The following AEBP2 variants were observed in gnomAD, a reference collection of about 807,000 sequenced individuals.
AEBP2 encodes the protein zinc finger protein AEBP2.
Under a neutral mutation model 50.8 loss-of-function variants are expected in AEBP2, and 10 were observed. The ratio of observed to expected loss-of-function variants is 0.20; its 90% CI spans 0.12 to 0.33. AEBP2 has a LOEUF of 0.33. Ranked by LOEUF, AEBP2 falls within the 10% of genes least tolerant of loss-of-function variation. The pLI, the probability that AEBP2 is intolerant of heterozygous loss-of-function variation, is 1.00. For missense variants in AEBP2, 570 were observed against 688.0 expected (o/e 0.83, Z 1.92); for synonymous variants, 296 against 261.3 (o/e 1.13, Z -1.28).
At position 19,439,814 on chromosome 12, in the gene AEBP2, G is replaced by A. The variant is rs779491346; in HGVS notation, c.115G>A (p.Glu39Lys). Residue 39 changes from glutamate (E) to lysine (K), a missense_variant, in exon 1 of 8, where the codon GAG (glutamate) becomes AAG (lysine). Glu to Lys is a moderately conservative substitution (Grantham distance 56). This residue lies in a region of AEBP2 where 386 missense variants were observed against 336.8 expected (regional missense o/e 1.15). Coordinates refer to ENST00000266508, the MANE Select transcript of AEBP2 (RefSeq NM_153207.5). ...GGGCCGGGCTGAGCCCCCCGAGGAG[G>A]AGGAGGAAGAGGAGGAGGAGGAAGA... Reference protein sequence around the residue: ...ARGRAEPPEEEEEEEEEEEEA... With the variant: ...ARGRAEPPEEKEEEEEEEEEA... 1 of 1,508,334 alleles carries A rather than the reference G, an allele frequency of 6.6e-7. No homozygotes were observed. The allele number at this position is 1,508,334 out of a possible 1,614,324, so 93.4% of individuals were successfully genotyped here. A position where few individuals can be genotyped will look rare whatever the true frequency, so the allele number is the denominator to read the frequency against.
chr12:19,416,215 T>C (rs769388836), intron 1 of AEBP2, among the ~76,000 whole-genome samples: 10 of 152,038 alleles, frequency 6.6e-5, no homozygotes, highest in Non-Finnish European at 1.3e-4. Flanking sequence ...AAAACCCAAC[T>C]TTGGTTACTT....
intron 1 of AEBP2, among the ~76,000 whole-genome samples, chr12:19,428,483 GGGA>G (rs1166395708): frequency 1.3e-5 from 2 of 152,220 alleles, no homozygotes; most frequent in Non-Finnish European, 2.9e-5. Context: ...TGTGGTGTTA[GGGA>G]GGAGGAAGGA....
At chr12:19,488,430 A>C (rs1186151075) in intron 3 of AEBP2, among the ~76,000 whole-genome samples, 1 of 151,348 alleles carries the variant, frequency 6.6e-6, no homozygotes, top group African/African-American at 2.4e-5. Flanking sequence ...TCCTATCCAT[A>C]TTAAATATTG....
chr12:19,427,080 A>C lies in AEBP2; in HGVS notation c.-17+22864A>C, dbSNP rs544329708. On this transcript the variant is annotated intron_variant, in intron 1 of 3. Transcript: ENST00000538425. ...TCCAACTGACTGAGGATTCGATAGA[A>C]TAAAAAGGCAGAGGAAGGTCGGGCA... Among the ~76,000 whole-genome samples, 3 of 152,240 alleles carry C rather than the reference A, an allele frequency of 2.0e-5. No individual in the cohort carries two copies. The East Asian group carries it at 5.8e-4, about 29-fold the overall frequency.
chr12:19,440,142 G>C lies in AEBP2; in HGVS notation c.443G>C (p.Ser148Thr), dbSNP rs934350168. The C allele has an allele frequency of 1.3e-6, 2 of 1,506,152 alleles. No homozygotes were observed. Among genetic ancestry groups the C allele is most frequent in the Non-Finnish European group, 1.8e-6 (2 of 1,134,086 alleles). The allele number at this position is 1,506,152 out of a possible 1,614,324, so 93.3% of individuals were successfully genotyped here. A position where few individuals can be genotyped will look rare whatever the true frequency, so the allele number is the denominator to read the frequency against. ...TTGAGCCCCGGCGCCGCCAGCAGCA[G>C]CAGCGGGGATGGGGACGGCAAGGAG... is the stretch of plus-strand genomic sequence containing the variant. ...RSLSPGAASSSSGDGDGKEGL... is the reference protein window; with the variant it reads ...RSLSPGAASSTSGDGDGKEGL... The change falls in exon 1 of 8, where the codon AGC (serine) becomes ACC (threonine). Residue 148 changes from serine (S) to threonine (T), a missense_variant. This residue lies in a region of AEBP2 where 386 missense variants were observed against 336.8 expected (regional missense o/e 1.15). Coordinates refer to ENST00000266508, the MANE Select transcript of AEBP2 (RefSeq NM_153207.5).
intron 3 of AEBP2, among the ~76,000 whole-genome samples, chr12:19,480,368 G>A (rs1948708618): frequency 6.6e-6 from 1 of 152,234 alleles, no homozygotes; most frequent in Non-Finnish European, 1.5e-5. Flanking sequence ...GCCTCCCAGA[G>A]TGCTGGGATT....
chr12:19,473,099 T>C (rs1173720802), intron 2 of AEBP2, 149 bp from the exon 3 acceptor site: 1 of 320,824 alleles, frequency 3.1e-6, no homozygotes, highest in Non-Finnish European at 5.6e-6. Flanking sequence ...GTTTTGACAG[T>C]TTATGTATAT....
intron 1 of AEBP2, among the ~76,000 whole-genome samples, chr12:19,454,714 T>C (rs1948234974): frequency 6.6e-6 from 1 of 151,768 alleles, no homozygotes; most frequent in African/African-American, 2.4e-5. Context: ...GCACATACAC[T>C]AAAAAAAATA....
intron 3 of AEBP2, among the ~76,000 whole-genome samples, chr12:19,475,546 A>G (rs915393422): frequency 6.6e-6 from 1 of 152,072 alleles, no homozygotes; most frequent in African/African-American, 2.4e-5. Context: ...TTTTCATATA[A>G]TGACTTTTCC....
chr12:19,470,717 G>C (rs780796661), intron 2 of AEBP2, among the ~76,000 whole-genome samples: 6 of 152,176 alleles, frequency 3.9e-5, no homozygotes, highest in Non-Finnish European at 5.9e-5. Flanking sequence ...AAAAAAATTA[G>C]AAGCCAGATA....
chr12:19,444,704 G>A (rs752145438), intron 1 of AEBP2, among the ~76,000 whole-genome samples: 2 of 152,232 alleles, frequency 1.3e-5, no homozygotes, highest in African/African-American at 2.4e-5. Context: ...GCTGTGAACT[G>A]TTTGGAGGAA....
At chr12:19,435,862 A>G (rs1164611459), upstream of AEBP2, among the ~76,000 whole-genome samples, 1 of 152,174 alleles carries the variant, frequency 6.6e-6, no homozygotes, top group Non-Finnish European at 1.5e-5. Context: ...TCTGGCACAT[A>G]CATTTGTTGG....
chr12:19,456,506 C>T (rs1948272011), intron 1 of AEBP2: 10 of 1,514,644 alleles, frequency 6.6e-6, no homozygotes, highest in Non-Finnish European at 9.1e-6. Flanking sequence ...CCATCTTTTC[C>T]TTCAGCTCAG....
intron 2 of AEBP2, among the ~76,000 whole-genome samples, chr12:19,468,126 T>TTGTGTGTGTGTGTGTGTGTGTGTGTGTG (rs10643072): frequency 1.3e-4 from 19 of 143,958 alleles, no homozygotes; most frequent in Non-Finnish European, 2.4e-4. Context: ...CTGCCTGACT[T>TTGTGTGTGTGTGTGTGTGTGTGTGTGTG]TGTGTGTGTG....
Position 19,439,666 on chromosome 12 carries a change from G to GGGAGGGGGA in AEBP2, c.-29_-28insGGGAGGAGG, listed in dbSNP as rs1947904766. The GGGAGGGGGA allele has an allele frequency of 2.7e-6, 4 of 1,475,304 alleles. No homozygotes were observed. The African/African-American group carries it at 4.5e-5, about 16-fold the overall frequency. The allele number at this position is 1,475,304 out of a possible 1,614,324, so 91.4% of individuals were successfully genotyped here. A position where few individuals can be genotyped will look rare whatever the true frequency, so the allele number is the denominator to read the frequency against. On this transcript the variant is annotated 5_prime_UTR_variant, in exon 1 of 8. Coordinates refer to ENST00000266508, the MANE Select transcript of AEBP2 (RefSeq NM_153207.5). ...GAGTCGAGAGAGGGAGGCGGCGGTG[G>GGGAGGGGGA]GGAGGAGGAGGAGGAGGAGGAGCAG...
At chr12:19,413,731 A>G (rs11044544) in intron 1 of AEBP2, among the ~76,000 whole-genome samples, 3,423 of 152,226 alleles carry the variant, frequency 0.022, 45 homozygotes, top group East Asian at 0.045. Context: ...ATATTGGGTA[A>G]CTGCCTGATG....
intron 2 of AEBP2, among the ~76,000 whole-genome samples, chr12:19,466,243 C>A (rs950419866): frequency 1.3e-5 from 2 of 152,018 alleles, no homozygotes; most frequent in African/African-American, 4.8e-5. Context: ...GTTGGTAGAT[C>A]GCTTGAGCTC....
intron 5 of AEBP2, among the ~76,000 whole-genome samples, chr12:19,505,800 G>C (rs1220542276): frequency 2.6e-5 from 4 of 152,104 alleles, no homozygotes; most frequent in African/African-American, 9.7e-5. Context: ...TTTTGAGTCA[G>C]AGTTTCACTG....
In AEBP2 at chr12:19,440,158, C is replaced by T. The variant is rs185496830; in HGVS notation, c.459C>T (p.Asp153=). 2.8e-4 allele frequency: 420 copies of T among 1,500,776 alleles called. 3 individuals carry two copies. The African/African-American group carries it at 5.2e-3, about 18-fold the overall frequency. The allele number at this position is 1,500,776 out of a possible 1,614,324, so 93.0% of individuals were successfully genotyped here. A position where few individuals can be genotyped will look rare whatever the true frequency, so the allele number is the denominator to read the frequency against. Residue 153 remains aspartate (D), a synonymous_variant, in exon 1 of 8, where the codon GAC becomes GAT. Transcript: ENST00000266508. ...CCAGCAGCAGCAGCGGGGATGGGGA[C>T]GGCAAGGAGGGCCTGGAGGAGCCCA... ...GAASSSSGDG[D]GKEGLEEPKG...
Sources: allele counts gnomAD v4.1 joint callset (sites outside exome capture counted in the v4.1 genomes callset), GRCh38; gene constraint gnomAD v4.1.1; regional missense constraint gnomAD v4.1.1; transcripts MANE v1.5; gene names NCBI Gene and HGNC (gene_info 2026-07-23, HGNC 2026-07-21).